The following AGAP1 variants were observed in gnomAD, a reference collection of about 807,000 sequenced individuals.
The protein encoded by AGAP1 is ArfGAP with GTPase domain, ankyrin repeat and PH domain 1.
In AGAP1, 29 loss-of-function variants were observed where a neutral mutation model predicts 105.3. The observed-to-expected ratio is 0.28, with a 90% CI of 0.21 to 0.38. AGAP1 has a LOEUF of 0.38. Ranked by LOEUF, AGAP1 falls within the 10% of genes least tolerant of loss-of-function variation. The probability of loss-of-function intolerance (pLI) is 1.00; values close to 1 mark genes in which losing one functional copy is unlikely to be tolerated. For missense variants in AGAP1, 998 were observed against 1,165.1 expected, an observed-to-expected ratio of 0.86 and a Z score of 2.09; for synonymous variants, 509 against 485.9, an observed-to-expected ratio of 1.05 and a Z score of -0.63.
chr2:235,703,450 G>A (rs965470998), intron 1 of AGAP1, among the ~76,000 whole-genome samples: 1 of 143,154 alleles, frequency 7.0e-6, no homozygotes, highest in Non-Finnish European at 1.5e-5. Flanking sequence ...AGCTTCCTCT[G>A]TGGGTAGTTG....
chr2:235,543,741 G>C (rs544870053), intron 1 of AGAP1, among the ~76,000 whole-genome samples: 1 of 152,298 alleles, frequency 6.6e-6, no homozygotes, highest in Admixed American at 6.5e-5. Flanking sequence ...AAACCACCTC[G>C]GGCCTGTGCA....
At chr2:235,896,799 T>G (rs2050827368) in intron 10 of AGAP1, among the ~76,000 whole-genome samples, 1 of 152,236 alleles carries the variant, frequency 6.6e-6, no homozygotes, top group Non-Finnish European at 1.5e-5. Flanking sequence ...CAGGGCATAG[T>G]GACAACTTTT....
At chr2:235,862,282 G>T (rs1208925382) in intron 9 of AGAP1, among the ~76,000 whole-genome samples, 1 of 152,202 alleles carries the variant, frequency 6.6e-6, no homozygotes. Flanking sequence ...AAATTTCCAA[G>T]AAATTAAATT....
chr2:236,059,390 A>G (rs2058129238), intron 16 of AGAP1, among the ~76,000 whole-genome samples: 1 of 152,240 alleles, frequency 6.6e-6, no homozygotes, highest in Non-Finnish European at 1.5e-5. Flanking sequence ...TACTCTTCAA[A>G]TCGATGTACA....
At position 236,046,808 on chromosome 2, in the gene AGAP1, T is replaced by C. The variant is rs1245929027; in HGVS notation, c.1892-2251T>C. 6.6e-6 allele frequency among the ~76,000 whole-genome samples: 1 copy of C among 151,682 alleles called. No individual in the cohort carries two copies. The highest frequency in any genetic ancestry group is 2.4e-5 in the African/African-American group (1 of 41,252). ...AGCAACCAGGAAAGTGGGGAAAAAA[T>C]CCAGAGAGGTCGTTGACCAAAAAGG... On this transcript the variant is annotated intron_variant, in intron 15 of 17. Transcript: ENST00000304032. This position sits in a 1 kb window ranked among gnomAD's most constrained non-coding sequence, Gnocchi z 5.2.
rs1468703659 is a variant in AGAP1 at position 235,736,511 on chromosome 2, A to G, written c.311-4452A>G. 1.3e-5 allele frequency among the ~76,000 whole-genome samples: 2 copies of G among 152,156 alleles called. No individual in the cohort carries two copies. Among genetic ancestry groups the G allele is most frequent in the African/African-American group, 4.8e-5 (2 of 41,434 alleles). On this transcript the variant is annotated intron_variant, in intron 3 of 17. Coordinates refer to ENST00000304032, the MANE Select transcript of AGAP1 (RefSeq NM_001037131.3). This position sits in a 1 kb window ranked among gnomAD's most constrained non-coding sequence, Gnocchi z 5.5. The stretch of plus-strand genomic sequence containing the variant: ...CAGACCTGCAGGAAAATACATGGAA[A>G]TGGGGACAAAACAGGCATTTCAGAA...
At chr2:235,693,933 C>T (rs955674959) in intron 1 of AGAP1, among the ~76,000 whole-genome samples, 7 of 152,142 alleles carry the variant, frequency 4.6e-5, no homozygotes, top group Non-Finnish European at 1.0e-4. Context: ...GTTAATGTTG[C>T]AAAGCATACC....
chr2:236,051,809 A>C lies in AGAP1; in HGVS notation c.2114+2528A>C, dbSNP rs1340335028. On this transcript the variant is annotated intron_variant, in intron 16 of 17. Coordinates refer to ENST00000304032, the MANE Select transcript of AGAP1 (RefSeq NM_001037131.3). The surrounding 1 kb of genome is among the most constrained non-coding windows in gnomAD (Gnocchi z 5.9). ...AAGGTCTGTGTCCCTTCCCGCTGGA[A>C]GGCCAGGGTCCTGGTGGAGCATGCG... 6.6e-6 allele frequency among the ~76,000 whole-genome samples: 1 copy of C among 152,174 alleles called. No individual in the cohort carries two copies. The highest frequency in any genetic ancestry group is 1.5e-5 in the Non-Finnish European group (1 of 68,026).
intron 1 of AGAP1, among the ~76,000 whole-genome samples, chr2:235,693,243 G>T (rs1159618804): frequency 6.6e-6 from 1 of 152,180 alleles, no homozygotes; most frequent in Non-Finnish European, 1.5e-5. Context: ...TTTGCAAAGG[G>T]TTCAAGGGTC....
rs184333393 is a variant in AGAP1, at chr2:235,819,892, T to C, written c.1050+12561T>C. Among the ~76,000 whole-genome samples, 177 of 143,966 alleles carry C rather than the reference T, an allele frequency of 1.2e-3. 5 individuals are homozygous for C. In the East Asian group the frequency reaches 0.034, roughly 28 times the overall value. 94.4% of individuals were successfully genotyped at this position (143,966 alleles called of 152,430 possible). On this transcript the variant is annotated intron_variant, in intron 9 of 17. Transcript: ENST00000304032. Reference sequence around the variant, plus strand: ...AATTGTGTAAAATGGCTTTTTTTTTTCTTCTTTCTTTCTTTTTTTTTTTTT... The same window carrying C: ...AATTGTGTAAAATGGCTTTTTTTTTCCTTCTTTCTTTCTTTTTTTTTTTTT...
intron 1 of AGAP1, among the ~76,000 whole-genome samples, chr2:235,695,994 G>A (rs1240416363): frequency 6.6e-6 from 1 of 152,140 alleles, no homozygotes; most frequent in Admixed American, 6.5e-5. Flanking sequence ...TGGGGTTGTC[G>A]ACAGAGGGGC....
In AGAP1 at chr2:236,131,303, C is replaced by T. The variant is rs980838363; in HGVS notation, c.*7181C>T. On this transcript the variant is annotated 3_prime_UTR_variant, in exon 18 of 18. Coordinates refer to ENST00000304032, the MANE Select transcript of AGAP1 (RefSeq NM_001037131.3). The surrounding 1 kb of genome is among the most constrained non-coding windows in gnomAD (Gnocchi z 5.9). ...CCTTCTGCCAGCTTGGAATTTGGTT[C>T]TCATCTTGCCACAGGGGTGCGTTTC... 1 of 152,208 alleles carries T rather than the reference C, an allele frequency of 6.6e-6. No individual in the cohort carries two copies. The highest frequency in any genetic ancestry group is 1.9e-4 in the East Asian group (1 of 5,182). The allele number at this position is 152,208 out of a possible 1,614,324, so 9.4% of individuals were successfully genotyped here. A position where few individuals can be genotyped will look rare whatever the true frequency, so the allele number is the denominator to read the frequency against.
chr2:235,584,108 G>A (rs948185260), intron 1 of AGAP1, among the ~76,000 whole-genome samples: 3 of 151,804 alleles, frequency 2.0e-5, no homozygotes, highest in Admixed American at 1.3e-4. Flanking sequence ...CTCATGGTAC[G>A]CTTGGGGTTT....
chr2:235,527,785 G>A (rs138633215), intron 1 of AGAP1, among the ~76,000 whole-genome samples: 65 of 152,294 alleles, frequency 4.3e-4, no homozygotes, highest in Admixed American at 1.7e-3. Flanking sequence ...AAGGTGCAGT[G>A]TTTTAGTTCT....
At chr2:235,918,879 A>T (rs1308939961) in intron 11 of AGAP1, among the ~76,000 whole-genome samples, 1 of 151,972 alleles carries the variant, frequency 6.6e-6, no homozygotes, top group African/African-American at 2.4e-5. Context: ...CTCTAAGTGG[A>T]GTGTTCTTTT....
intron 1 of AGAP1, among the ~76,000 whole-genome samples, chr2:235,607,524 C>T (rs1257999040): frequency 2.6e-5 from 4 of 152,210 alleles, no homozygotes; most frequent in Non-Finnish European, 5.9e-5. Flanking sequence ...GGGTGGAGCC[C>T]GTTGGCCTGG....
In AGAP1 at chr2:236,050,616, A is replaced by G. The variant is rs1559227434; in HGVS notation, c.2114+1335A>G. Among the ~76,000 whole-genome samples, 1 of 152,234 alleles carries G rather than the reference A, an allele frequency of 6.6e-6. No homozygotes were observed. Among genetic ancestry groups the G allele is most frequent in the Admixed American group, 6.5e-5 (1 of 15,286 alleles). ...TTTTAATATCTATTTTTTCACAGATAATGATAACATTGGAGGAAACTTGGG... is the reference window on the plus strand; with the variant it reads ...TTTTAATATCTATTTTTTCACAGATGATGATAACATTGGAGGAAACTTGGG... On this transcript the variant is annotated intron_variant, in intron 16 of 17. Transcript: ENST00000304032. This position sits in a 1 kb window ranked among gnomAD's most constrained non-coding sequence, Gnocchi z 4.0.
chr2:235,764,729 G>C (rs1194405588), intron 6 of AGAP1, among the ~76,000 whole-genome samples: 7 of 133,432 alleles, frequency 5.2e-5, no homozygotes, highest in South Asian at 2.9e-4. Context: ...GTGGGGTGGG[G>C]GCATCTGGGA....
chr2:235,643,298 G>A (rs1947258879), intron 1 of AGAP1, among the ~76,000 whole-genome samples: 1 of 151,804 alleles, frequency 6.6e-6, no homozygotes. Context: ...GGGTGTGGTG[G>A]CGGGCACCTG....
Sources: gnomAD v4.1 joint callset for allele counts (sites outside exome capture counted in the v4.1 genomes callset) on GRCh38, gnomAD v4.1.1 for gene constraint, Gnocchi (gnomAD v3.1) non-coding constraint, MANE v1.5 for transcripts, NCBI Gene and HGNC (gene_info 2026-07-23, HGNC 2026-07-21) for gene names.